PHKA1: variants seen among roughly 807,000 people sequenced by gnomAD.
PHKA1 encodes phosphorylase b kinase regulatory subunit alpha, skeletal muscle isoform.
In PHKA1, 60 loss-of-function variants were observed where a neutral mutation model predicts 110.2. The ratio of observed to expected loss-of-function variants is 0.54; its 90% confidence interval spans 0.44 to 0.68. The LOEUF (loss-of-function observed/expected upper bound fraction) is 0.68, where lower values mean the gene tolerates loss of function less well. Ranked by LOEUF, PHKA1 falls within the 30% of genes least tolerant of loss-of-function variation. The pLI, the probability that PHKA1 is intolerant of heterozygous loss-of-function variation, is 0.00. For synonymous variants in PHKA1, 316 were observed against 333.6 expected (o/e 0.95, Z 0.58); for missense variants, 801 against 942.5 (o/e 0.85, Z 1.97).
rs2053173915 is a variant in PHKA1, at chrX:72,632,078, T to C, written c.1714+3077A>G. On this transcript the variant is annotated intron_variant, in intron 16 of 31. Transcript: ENST00000373542. ...GTGTTAATTAGTTTTATGTCACGTA[T>C]CTGGCAATATCGTTTGTATGATTTC... 2.7e-5 allele frequency among the ~76,000 whole-genome samples: 3 copies of C among 112,121 alleles called. No homozygotes were observed. The South Asian group carries it at 1.1e-3, about 41-fold the overall frequency.
intron 4 of PHKA1, among the ~76,000 whole-genome samples, chrX:72,687,393 T>C (rs2053979226): frequency 8.9e-6 from 1 of 111,993 alleles, no homozygotes; most frequent in Admixed American, 9.5e-5. Flanking sequence ...TCAATAGAAA[T>C]CAGAGGCTGA....
chrX:72,666,344 C>T (rs2053615697), intron 7 of PHKA1, 47 bp from the exon 8 acceptor site: 1 of 1,048,115 alleles, frequency 9.5e-7, no homozygotes, highest in Non-Finnish European at 1.3e-6. Context: ...TATTTCTTCT[C>T]CCTTTACCCC....
At chrX:72,602,405 T>C (rs1299496488) in intron 26 of PHKA1, 132 bp from the exon 27 acceptor site, 2 of 492,250 alleles carry the variant, frequency 4.1e-6, no homozygotes, top group African/African-American at 4.8e-5. Flanking sequence ...CCTTGCTATT[T>C]GAAATGTGGT....
rs1232894687 is a variant in PHKA1, at chrX:72,617,731, GTCT to G, written c.2369+976_2369+978del. 2.7e-5 allele frequency among the ~76,000 whole-genome samples: 3 copies of G among 110,166 alleles called. No homozygotes were observed. In the East Asian group the frequency reaches 8.5e-4, roughly 31 times the overall value. On this transcript the variant is annotated intron_variant, in intron 21 of 31. Coordinates refer to ENST00000373542, the MANE Select transcript of PHKA1 (RefSeq NM_002637.4). The stretch of plus-strand genomic sequence containing the variant: ...AAGGAGATTGAATCAGTAATAAAAA[GTCT>G]CCCATCAAAGGGAAGCCCAGGACCA...
chrX:72,588,018 A>G (rs1556217326), intron 29 of PHKA1, among the ~76,000 whole-genome samples: 1 of 111,749 alleles, frequency 8.9e-6, no homozygotes, highest in African/African-American at 3.3e-5. Flanking sequence ...TATTAGACAG[A>G]TCAATGAGAC....
intron 23 of PHKA1, among the ~76,000 whole-genome samples, chrX:72,606,584 T>C (rs1288248255): frequency 1.8e-5 from 2 of 111,260 alleles, no homozygotes; most frequent in East Asian, 5.6e-4. Flanking sequence ...TTTTTAATTT[T>C]TGTGGGTCTA....
intron 6 of PHKA1, among the ~76,000 whole-genome samples, chrX:72,669,635 GT>G (rs1403213393): frequency 3.9e-5 from 4 of 102,967 alleles, no homozygotes; most frequent in Non-Finnish European, 5.9e-5. Flanking sequence ...GCGGTGTTTG[GT>G]TTTTTGTCTC....
intron 3 of PHKA1, among the ~76,000 whole-genome samples, chrX:72,703,550 G>A (rs781832365): frequency 1.3e-3 from 148 of 110,901 alleles, no homozygotes; most frequent in Middle Eastern, 4.7e-3. Flanking sequence ...GCATGGTGGT[G>A]CACACCTGTA....
At chrX:72,652,348 A>G (rs1166188997) in intron 12 of PHKA1, among the ~76,000 whole-genome samples, 196 bp downstream of exon 12, 2 of 111,540 alleles carry the variant, frequency 1.8e-5, no homozygotes, top group Non-Finnish European at 3.8e-5. Context: ...CAGGAGGGAC[A>G]TGGTTGCCAG....
At chrX:72,689,199 A>G (rs1378086031) in intron 4 of PHKA1, among the ~76,000 whole-genome samples, 1 of 112,232 alleles carries the variant, frequency 8.9e-6, no homozygotes, top group Non-Finnish European at 1.9e-5. Context: ...AAAAGCATGC[A>G]TAAGAAGTAT....
At chrX:72,615,000 C>CA (rs2052870520) in intron 21 of PHKA1, among the ~76,000 whole-genome samples, 1 of 111,509 alleles carries the variant, frequency 9.0e-6, no homozygotes, top group Non-Finnish European at 1.9e-5. Flanking sequence ...AGATCAAAGA[C>CA]AAAGAGAGAA....
chrX:72,649,820 C>T (rs1346909686), intron 13 of PHKA1, among the ~76,000 whole-genome samples: 4 of 110,058 alleles, frequency 3.6e-5, no homozygotes, highest in African/African-American at 1.3e-4. Flanking sequence ...GGTGAAACCC[C>T]GTCTCTACTA....
At chrX:72,600,199 G>A (rs782141188) in intron 28 of PHKA1, among the ~76,000 whole-genome samples, 5 of 110,407 alleles carry the variant, frequency 4.5e-5, no homozygotes, top group African/African-American at 9.9e-5. Context: ...TGCAAATTTA[G>A]GACTCTCAAT....
At chrX:72,625,593 T>C (rs1234593279) in intron 17 of PHKA1, among the ~76,000 whole-genome samples, 2 of 111,708 alleles carry the variant, frequency 1.8e-5, no homozygotes, top group Non-Finnish European at 3.8e-5. Context: ...TGTGTCTCTA[T>C]GGTATAATGA....
chrX:72,682,934 T>TAAAAAAAAAAAAAA (rs1164416043), intron 5 of PHKA1, among the ~76,000 whole-genome samples: 1 of 63,857 alleles, frequency 1.6e-5, no homozygotes, highest in Non-Finnish European at 2.8e-5. Context: ...AAAAATAAAT[T>TAAAAAAAAAAAAAA]AAAAAAAAAA....
Position 72,618,812 on chromosome X carries a change from T to G in PHKA1, c.2267A>C (p.Asp756Ala), listed in dbSNP as rs782144479. The change falls in exon 21 of 32, where the codon GAC becomes GCC. Residue 756 changes from aspartate to alanine, a missense_variant. Physicochemically the swap from Asp to Ala is moderately radical, Grantham distance 126. Transcript: ENST00000373542. ...SVRVEIHLPR[D>A]QSGEVDFKAL... ...TTTAAAGTCCACCTCCCCAGACTGGTCTCTAGGAAGATGTATTTCTACACG... is the reference window on the plus strand; with the variant it reads ...TTTAAAGTCCACCTCCCCAGACTGGGCTCTAGGAAGATGTATTTCTACACG... 46 of 1,198,669 alleles carry G rather than the reference T, an allele frequency of 3.8e-5. No individual in the cohort carries two copies. In the East Asian group the frequency reaches 1.2e-3, roughly 32 times the overall value.
chrX:72,628,731 A>C (rs1388504490), intron 16 of PHKA1, among the ~76,000 whole-genome samples: 7 of 108,125 alleles, frequency 6.5e-5, no homozygotes, highest in South Asian at 8.1e-4. Context: ...CTGGGACTAC[A>C]GGCGCGTGCC....
chrX:72,615,107 G>T (rs1450067630), intron 21 of PHKA1, among the ~76,000 whole-genome samples: 1 of 111,213 alleles, frequency 9.0e-6, no homozygotes, highest in African/African-American at 3.3e-5. Flanking sequence ...TAGGCCAGGA[G>T]ATAGTGAGAT....
At chrX:72,606,858 C>T (rs1224267925) in intron 23 of PHKA1, among the ~76,000 whole-genome samples, 4 of 111,633 alleles carry the variant, frequency 3.6e-5, no homozygotes, top group Non-Finnish European at 7.5e-5. Flanking sequence ...CCACCCCCAA[C>T]GCCCATAAAC....
Sources: allele counts gnomAD v4.1 joint callset (sites outside exome capture counted in the v4.1 genomes callset), GRCh38; gene constraint gnomAD v4.1.1; transcripts MANE v1.5; gene names NCBI Gene and HGNC (gene_info 2026-07-23, HGNC 2026-07-21).